The following SDK1 variants were observed in gnomAD, a reference collection of about 807,000 sequenced individuals.
SDK1 encodes the protein protein sidekick-1.
In SDK1, 157 loss-of-function variants were observed where a neutral mutation model predicts 245.5. That is an observed-to-expected ratio of 0.64 (90% confidence interval 0.56 to 0.73). The LOEUF is 0.73. Ranked by LOEUF, SDK1 falls within the 30% of genes least tolerant of loss-of-function variation. The probability of loss-of-function intolerance (pLI) is 0.00; values close to 1 mark genes in which losing one functional copy is unlikely to be tolerated. For synonymous variants in SDK1, 1,647 were observed against 1,278.5 expected, an observed-to-expected ratio of 1.29 and a Z score of -6.15; for missense variants, 3,583 against 3,002.3, an observed-to-expected ratio of 1.19 and a Z score of -4.52.
chr7:3,474,164 T>A (rs947915544), intron 1 of SDK1, among the ~76,000 whole-genome samples: 2 of 128,200 alleles, frequency 1.6e-5, no homozygotes, highest in Non-Finnish European at 3.2e-5. Context: ...GCGCGGTGGC[T>A]CAATCTCGGC....
At chr7:3,732,217 T>C (rs747357411) in intron 4 of SDK1, among the ~76,000 whole-genome samples, 1 of 152,218 alleles carries the variant, frequency 6.6e-6, no homozygotes, top group African/African-American at 2.4e-5. Flanking sequence ...AAACTCCGAC[T>C]ATTTTTTGTT....
chr7:4,073,435 T>C (rs1401652864), intron 20 of SDK1, among the ~76,000 whole-genome samples: 1 of 152,240 alleles, frequency 6.6e-6, no homozygotes, highest in Non-Finnish European at 1.5e-5. Flanking sequence ...ATATTATCAA[T>C]GTTGATCCTA....
chr7:3,394,015 G>A (rs1014537635), intron 1 of SDK1, among the ~76,000 whole-genome samples: 2 of 152,106 alleles, frequency 1.3e-5, no homozygotes, highest in African/African-American at 4.8e-5. Context: ...AAAAGGAGTT[G>A]GGTAAGCCAT....
At chr7:3,371,669 C>G (rs1781231814) in intron 1 of SDK1, among the ~76,000 whole-genome samples, 1 of 152,106 alleles carries the variant, frequency 6.6e-6, no homozygotes, top group African/African-American at 2.4e-5. Flanking sequence ...CAAACTTGGA[C>G]ACTCTCAGGA....
chr7:3,691,789 A>G (rs1302833404), intron 4 of SDK1, among the ~76,000 whole-genome samples: 2 of 152,172 alleles, frequency 1.3e-5, no homozygotes, highest in South Asian at 2.1e-4. Context: ...TGCCTTAATT[A>G]AGAGTTAATA....
intron 4 of SDK1, among the ~76,000 whole-genome samples, chr7:3,741,136 C>G (rs1236928464): frequency 6.6e-6 from 1 of 152,192 alleles, no homozygotes; most frequent in Non-Finnish European, 1.5e-5. Context: ...CTCCTGTATA[C>G]CAAGTGGATG....
At chr7:3,516,470 T>C (rs1303900547) in intron 1 of SDK1, among the ~76,000 whole-genome samples, 2 of 152,156 alleles carry the variant, frequency 1.3e-5, no homozygotes, top group Non-Finnish European at 2.9e-5. Flanking sequence ...TTTTTAGGTG[T>C]TCTACTTAAA....
At chr7:3,822,348 C>T (rs181214906) in intron 5 of SDK1, among the ~76,000 whole-genome samples, 7 of 152,086 alleles carry the variant, frequency 4.6e-5, no homozygotes, top group African/African-American at 1.4e-4. Context: ...CTAGTCATGG[C>T]GGATGGTAAA....
chr7:3,833,362 C>G lies in SDK1; in HGVS notation c.847+11779C>G, dbSNP rs182018930. Among the ~76,000 whole-genome samples the G allele has an allele frequency of 5.3e-5, 8 of 152,280 alleles. No homozygotes were observed. The East Asian group carries it at 1.5e-3, about 29-fold the overall frequency. ...CATGTCTGGTATTAAATGCCCTTCT[C>G]TTTCTCCAACAGGATGTCACTCTGT... On this transcript the variant is annotated intron_variant, in intron 5 of 44. Coordinates refer to ENST00000404826, the MANE Select transcript of SDK1 (RefSeq NM_152744.4).
intron 35 of SDK1, among the ~76,000 whole-genome samples, chr7:4,180,707 C>T (rs1782555997): frequency 6.6e-6 from 1 of 152,204 alleles, no homozygotes. Context: ...GGGGCGGCCT[C>T]AGGAAGCTTC....
chr7:3,694,860 G>T (rs1784530613), intron 4 of SDK1, among the ~76,000 whole-genome samples: 1 of 152,142 alleles, frequency 6.6e-6, no homozygotes, highest in African/African-American at 2.4e-5. Flanking sequence ...AAAATGATTT[G>T]TTCTGTGGAA....
At chr7:4,156,347 G>A (rs12667034) in intron 30 of SDK1, among the ~76,000 whole-genome samples, 5 of 152,200 alleles carry the variant, frequency 3.3e-5, no homozygotes, top group African/African-American at 1.2e-4. Context: ...TTTTAACTTA[G>A]CAAAGGCTGT....
At chr7:4,078,356 T>C (rs913524167) in intron 21 of SDK1, among the ~76,000 whole-genome samples, 10 of 152,142 alleles carry the variant, frequency 6.6e-5, no homozygotes, top group African/African-American at 2.4e-4. Context: ...CATTTAAAAA[T>C]CCAGAGAGCT....
chr7:4,189,221 G>A (rs1307046807), intron 35 of SDK1, among the ~76,000 whole-genome samples: 2 of 152,152 alleles, frequency 1.3e-5, no homozygotes, highest in Non-Finnish European at 1.5e-5. Flanking sequence ...CCTGGTGCAG[G>A]TCCTGCTGTT....
intron 1 of SDK1, among the ~76,000 whole-genome samples, chr7:3,463,762 A>C (rs962891603): frequency 5.3e-5 from 8 of 152,180 alleles, no homozygotes; most frequent in African/African-American, 1.9e-4. Context: ...TGGTCTCTCC[A>C]TACATTTCTC....
chr7:4,231,690 C>T (rs927172672), intron 40 of SDK1, among the ~76,000 whole-genome samples: 4 of 152,132 alleles, frequency 2.6e-5, no homozygotes, highest in African/African-American at 9.7e-5. Context: ...AGATTTGTAC[C>T]TTTAAAATCT....
chr7:3,735,300 A>G lies in SDK1; in HGVS notation c.714-86150A>G, dbSNP rs114343480. Among the ~76,000 whole-genome samples the G allele has an allele frequency of 9.3e-3, 1,423 of 152,272 alleles. 29 individuals are homozygous for G. Among genetic ancestry groups the G allele is most frequent in the African/African-American group, 0.032 (1,347 of 41,548 alleles). On this transcript the variant is annotated intron_variant, in intron 4 of 44. Transcript: ENST00000404826. ...TTACCTTGCGAAACTGAAAATCTGT[A>G]CTTGCTAAGCAGTGACTCTCTGATT...
intron 1 of SDK1, among the ~76,000 whole-genome samples, chr7:3,373,657 A>T (rs1781283811): frequency 6.6e-6 from 1 of 151,792 alleles, no homozygotes; most frequent in African/African-American, 2.4e-5. Flanking sequence ...TGGATGTGCG[A>T]TACTTTACTT....
At chr7:4,116,540 C>T (rs967733682) in intron 25 of SDK1, among the ~76,000 whole-genome samples, 4 of 152,186 alleles carry the variant, frequency 2.6e-5, no homozygotes, top group South Asian at 4.1e-4. Context: ...CTGAACCTGC[C>T]GCCACCCTTG....
Sources: allele counts gnomAD v4.1 joint callset (sites outside exome capture counted in the v4.1 genomes callset), GRCh38; gene constraint gnomAD v4.1.1; transcripts MANE v1.5; gene names NCBI Gene and HGNC (gene_info 2026-07-23, HGNC 2026-07-21).